ANAPC10: variants seen among roughly 807,000 people sequenced by gnomAD.
ANAPC10 encodes anaphase promoting complex subunit 10, also known as anaphase-promoting complex subunit 10.
A neutral mutation model predicts 22.0 loss-of-function variants in ANAPC10; 12 were observed. The observed-to-expected ratio is 0.55, with a 90% CI of 0.35 to 0.88. The LOEUF (loss-of-function observed/expected upper bound fraction) is 0.88, where lower values mean the gene tolerates loss of function less well. Among genes scored for constraint, ANAPC10 ranks in the 40% least tolerant of loss-of-function variants. The probability of loss-of-function intolerance (pLI) is 0.01; values close to 1 mark genes in which losing one functional copy is unlikely to be tolerated. For missense variants in ANAPC10, 188 were observed against 220.9 expected, an observed-to-expected ratio of 0.85 and a Z score of 0.94; for synonymous variants, 65 against 69.5, an observed-to-expected ratio of 0.94 and a Z score of 0.32.
intron 4 of ANAPC10, among the ~76,000 whole-genome samples, chr4:145,018,395 AGGCTCAGGCG>A (rs1578925912): frequency 6.6e-6 from 1 of 152,146 alleles, no homozygotes; most frequent in East Asian, 1.9e-4. Context: ...AGGCTTTGGG[AGGCTCAGGCG>A]GGCAGATTAC....
chr4:145,022,711 A>G (rs1169450480), intron 4 of ANAPC10, among the ~76,000 whole-genome samples: 1 of 151,430 alleles, frequency 6.6e-6, no homozygotes, highest in African/African-American at 2.4e-5. Context: ...TTCTGTGAGC[A>G]TGTATTTTCA....
chr4:145,063,047 A>G (rs1273012242), intron 4 of ANAPC10, among the ~76,000 whole-genome samples: 2 of 152,180 alleles, frequency 1.3e-5, no homozygotes, highest in African/African-American at 4.8e-5. Flanking sequence ...GTCAAAGGGT[A>G]CAAAATTTCA....
In ANAPC10 at chr4:145,004,359, C is replaced by T. The variant is rs556878469; in HGVS notation, c.328-8756G>A. Among the ~76,000 whole-genome samples, 12 of 152,248 alleles carry T rather than the reference C, an allele frequency of 7.9e-5. No homozygotes were observed. The South Asian group carries it at 2.3e-3, about 29-fold the overall frequency. On this transcript the variant is annotated intron_variant, in intron 4 of 4. Transcript: ENST00000507656. ...TATTTCTCTTGCCTGATTGCTCTGG[C>T]TAGAACTTCCAGGACTATGCTGAAT...
intron 4 of ANAPC10, among the ~76,000 whole-genome samples, chr4:145,053,977 C>T (rs996577400): frequency 1.3e-5 from 2 of 151,746 alleles, no homozygotes; most frequent in African/African-American, 4.8e-5. Context: ...GGTGCAATCT[C>T]AGCTCGCTGC....
chr4:145,054,076 T>C (rs1253685044), intron 4 of ANAPC10, among the ~76,000 whole-genome samples: 2 of 151,592 alleles, frequency 1.3e-5, no homozygotes, highest in African/African-American at 4.8e-5. Context: ...TCCCAGCTAA[T>C]TTTTCTAATT....
In ANAPC10 at chr4:145,097,638, G is replaced by T. The variant is rs137970745; in HGVS notation, c.-13+482C>A. On this transcript the variant is annotated intron_variant, in intron 1 of 4. Transcript: ENST00000507656. Reference sequence around the variant, plus strand: ...TTAAACGCTCAATAAGTAATTTACTGAATGAATAAACAGATGAATAGGTTC... The same window carrying T: ...TTAAACGCTCAATAAGTAATTTACTTAATGAATAAACAGATGAATAGGTTC... 1.1e-3 allele frequency: 834 copies of T among 744,358 alleles called. 9 individuals are homozygous for T. In the African/African-American group the frequency reaches 0.013, roughly 12 times the overall value. The allele number at this position is 744,358 out of a possible 1,614,324, so 46.1% of individuals were successfully genotyped here.
intron 3 of ANAPC10, among the ~76,000 whole-genome samples, chr4:145,079,316 C>T (rs1745619197): frequency 6.6e-6 from 1 of 151,958 alleles, no homozygotes. Context: ...ATCAAAACCA[C>T]AATGAGATAC....
At chr4:144,997,260 A>C (rs1731763149) in intron 4 of ANAPC10, among the ~76,000 whole-genome samples, 1 of 152,150 alleles carries the variant, frequency 6.6e-6, no homozygotes, top group South Asian at 2.1e-4. Context: ...ACTCCTCGAG[A>C]AGAGCAACAC....
chr4:145,020,411 C>T (rs768646682), intron 4 of ANAPC10, among the ~76,000 whole-genome samples: 8 of 151,800 alleles, frequency 5.3e-5, no homozygotes, highest in African/African-American at 1.9e-4. Flanking sequence ...TCAGCAAAAT[C>T]GGCATAAAGG....
At chr4:145,023,129 T>C (rs1033809580) in intron 4 of ANAPC10, among the ~76,000 whole-genome samples, 5 of 152,124 alleles carry the variant, frequency 3.3e-5, no homozygotes, top group African/African-American at 1.2e-4. Context: ...AACTACCCAA[T>C]TGTACCAATG....
At chr4:144,997,930 C>T (rs965148933) in intron 4 of ANAPC10, among the ~76,000 whole-genome samples, 24 of 152,136 alleles carry the variant, frequency 1.6e-4, no homozygotes, top group African/African-American at 5.3e-4. Context: ...GGGTTGCAAT[C>T]CTAGTCTCTG....
intron 4 of ANAPC10, among the ~76,000 whole-genome samples, chr4:145,007,149 A>G (rs1224300642): frequency 6.6e-6 from 1 of 152,162 alleles, no homozygotes; most frequent in Non-Finnish European, 1.5e-5. Context: ...GCAAGTCCTT[A>G]GAGACATACA....
chr4:145,097,726 C>T, intron 1 of ANAPC10: 1 of 361,836 alleles, frequency 2.8e-6, no homozygotes, highest in Non-Finnish European at 5.4e-6. Flanking sequence ...ACTATTCAAC[C>T]TGCAACCATC....
intron 4 of ANAPC10, among the ~76,000 whole-genome samples, chr4:145,012,160 GTATA>G (rs772054364): frequency 0.014 from 1,847 of 134,008 alleles, 16 homozygotes; most frequent in Admixed American, 0.025. Context: ...CAAGCTATAT[GTATA>G]TGTGTGTGTG....
chr4:145,005,550 G>A (rs375259919), intron 4 of ANAPC10, among the ~76,000 whole-genome samples: 4 of 152,042 alleles, frequency 2.6e-5, no homozygotes, highest in South Asian at 4.2e-4. Flanking sequence ...AGTTATGATC[G>A]TAGGTTGTTA....
intron 4 of ANAPC10, among the ~76,000 whole-genome samples, chr4:145,015,115 T>C (rs1041737255): frequency 1.9e-4 from 29 of 151,946 alleles, no homozygotes; most frequent in African/African-American, 5.8e-4. Context: ...AAAAAGAATT[T>C]GGGAGGTTAG....
intron 3 of ANAPC10, among the ~76,000 whole-genome samples, chr4:145,077,733 A>C (rs1358463662): frequency 6.6e-6 from 1 of 152,218 alleles, no homozygotes; most frequent in Non-Finnish European, 1.5e-5. Context: ...GCAAATCAAT[A>C]AATGTCATTC....
At chr4:145,025,874 T>C (rs916194577) in intron 4 of ANAPC10, among the ~76,000 whole-genome samples, 1 of 152,142 alleles carries the variant, frequency 6.6e-6, no homozygotes, top group Non-Finnish European at 1.5e-5. Context: ...AAGCCCTAGA[T>C]TCTTACCTGC....
intron 4 of ANAPC10, among the ~76,000 whole-genome samples, chr4:145,043,770 T>C (rs1739871937): frequency 6.6e-6 from 1 of 152,148 alleles, no homozygotes; most frequent in African/African-American, 2.4e-5. Flanking sequence ...TGAAGGCTGA[T>C]ATCTGCTGCA....
Sources: gnomAD v4.1 joint callset for allele counts (sites outside exome capture counted in the v4.1 genomes callset) on GRCh38, gnomAD v4.1.1 for gene constraint, MANE v1.5 for transcripts, NCBI Gene and HGNC (gene_info 2026-07-23, HGNC 2026-07-21) for gene names.